Variants in FAM13A observed in about 807,000 individuals in gnomAD.
FAM13A encodes protein FAM13A.
In FAM13A, 76 loss-of-function variants were observed where a neutral mutation model predicts 129.6. That is an observed-to-expected ratio of 0.59 (90% CI 0.49 to 0.71). FAM13A has a LOEUF of 0.71. FAM13A is among the 30% of genes least tolerant of loss of function. The pLI, the probability that FAM13A is intolerant of heterozygous loss-of-function variation, is 0.00. For synonymous variants in FAM13A, 443 were observed against 449.9 expected (o/e 0.98, Z 0.20); for missense variants, 1,108 against 1,249.3 (o/e 0.89, Z 1.70).
At chr4:88,845,003 C>T (rs1487096983) in intron 7 of FAM13A, among the ~76,000 whole-genome samples, 1 of 152,060 alleles carries the variant, frequency 6.6e-6, no homozygotes, top group Non-Finnish European at 1.5e-5. Context: ...CAGAAGCCAT[C>T]ACATATAGAG....
intron 6 of FAM13A, among the ~76,000 whole-genome samples, chr4:88,887,697 A>C (rs1401616829): frequency 6.6e-6 from 1 of 151,578 alleles, no homozygotes; most frequent in Non-Finnish European, 1.5e-5. Context: ...TGCCCAGCTA[A>C]TTTTTTTGTA....
rs527357768 is a variant in FAM13A at position 88,866,985 on chromosome 4, C to T, written c.844-15802G>A. On this transcript the variant is annotated intron_variant, in intron 6 of 23. Coordinates refer to ENST00000264344, the MANE Select transcript of FAM13A (RefSeq NM_014883.4). ...AGTCATAGAAGATAATATCATAAAGCAGTTAGGTAAATATACAGTAGATTC... is the reference window on the plus strand; with the variant it reads ...AGTCATAGAAGATAATATCATAAAGTAGTTAGGTAAATATACAGTAGATTC... Among the ~76,000 whole-genome samples, 5 of 152,156 alleles carry T rather than the reference C, an allele frequency of 3.3e-5. No individual in the cohort carries two copies. The South Asian group carries it at 1.0e-3, about 32-fold the overall frequency.
chr4:88,767,128 C>T (rs78501625), intron 13 of FAM13A, among the ~76,000 whole-genome samples: 1 of 152,116 alleles, frequency 6.6e-6, no homozygotes, highest in Non-Finnish European at 1.5e-5. Context: ...CAAAACTCAG[C>T]AAACAAATTG....
intron 17 of FAM13A, among the ~76,000 whole-genome samples, 199 bp from the exon 18 acceptor site, chr4:88,748,050 C>A (rs547077239): frequency 2.0e-5 from 3 of 152,052 alleles, no homozygotes; most frequent in Non-Finnish European, 2.9e-5. Context: ...CCACCACGCC[C>A]GGCTAATTTT....
At chr4:88,867,622 T>C (rs1022185528) in intron 6 of FAM13A, among the ~76,000 whole-genome samples, 3 of 151,914 alleles carry the variant, frequency 2.0e-5, no homozygotes, top group African/African-American at 4.9e-5. Flanking sequence ...TTCACAAATA[T>C]AGAAGACACA....
chr4:89,021,458 A>G (rs1352108750), intron 2 of FAM13A, among the ~76,000 whole-genome samples: 2 of 152,212 alleles, frequency 1.3e-5, no homozygotes, highest in African/African-American at 4.8e-5. Flanking sequence ...ACCTTGATCT[A>G]CCCCTGACAA....
chr4:88,799,339 C>G (rs1401159472), intron 8 of FAM13A, among the ~76,000 whole-genome samples: 1 of 152,124 alleles, frequency 6.6e-6, no homozygotes, highest in Non-Finnish European at 1.5e-5. Context: ...AACAAAATAC[C>G]AAGTGTTGAC....
At position 88,787,795 on chromosome 4, in the gene FAM13A, C is replaced by T. The variant is rs544975687; in HGVS notation, c.1229G>A (p.Arg410His). The T allele has an allele frequency of 1.2e-5, 19 of 1,613,424 alleles. 1 individual carries two copies. Among genetic ancestry groups the T allele is most frequent in the Admixed American group, 5.0e-5 (3 of 59,964 alleles). ...AACTTCATCCTGCTCCTTGGACTGG[C>T]GGCGGCGCTGTCTGGCAGATGTGGC... ...SSATSARQRR[R>H]QSKEQDEVRH... The change falls in exon 10 of 24, where the codon CGC becomes CAC. Residue 410 changes from arginine to histidine, a missense_variant. Arg to His is a conservative substitution (Grantham distance 29). Around this residue, in one of 3 missense-constraint regions of FAM13A, gnomAD observed 566 missense variants for 595.7 expected, o/e 0.95. Transcript: ENST00000264344.
intron 5 of FAM13A, among the ~76,000 whole-genome samples, chr4:88,907,950 T>C (rs1355086193): frequency 6.6e-6 from 1 of 152,214 alleles, no homozygotes; most frequent in Non-Finnish European, 1.5e-5. Flanking sequence ...CTGAGACTCA[T>C]GTCTGGACCA....
At chr4:88,748,868 G>A in intron 17 of FAM13A, 84 bp downstream of exon 17, 1 of 940,356 alleles carries the variant, frequency 1.1e-6, no homozygotes, top group South Asian at 1.3e-5. Context: ...GAATGCCTTA[G>A]CAGTGGCACT....
At chr4:88,927,196 T>C (rs746662678) in intron 5 of FAM13A, among the ~76,000 whole-genome samples, 3 of 151,434 alleles carry the variant, frequency 2.0e-5, no homozygotes, top group Non-Finnish European at 4.4e-5. Context: ...TATATTCCTA[T>C]GTATATTTTT....
At chr4:88,965,827 G>A (rs1759280153) in intron 4 of FAM13A, among the ~76,000 whole-genome samples, 1 of 152,108 alleles carries the variant, frequency 6.6e-6, no homozygotes, top group African/African-American at 2.4e-5. Flanking sequence ...GTCTTTTTGT[G>A]ACTAGCTTAG....
intron 1 of FAM13A, chr4:89,029,854 C>T (rs928426555): frequency 3.0e-5 from 18 of 595,356 alleles, no homozygotes; most frequent in Non-Finnish European, 5.2e-5. Context: ...AATGAAAAAC[C>T]TAAAGCCACA....
intron 5 of FAM13A, among the ~76,000 whole-genome samples, chr4:88,922,508 A>G (rs11097202): frequency 0.56 from 84,621 of 150,812 alleles, 23,758 homozygotes; most frequent in Admixed American, 0.59. Flanking sequence ...ACCAACGAGA[A>G]CAAAGACACA....
intron 4 of FAM13A, among the ~76,000 whole-genome samples, chr4:88,944,575 T>C (rs1755341497): frequency 1.3e-5 from 2 of 152,084 alleles, no homozygotes; most frequent in South Asian, 4.1e-4. Context: ...GATGTCTGCA[T>C]TGGTTTGACT....
chr4:88,964,739 T>G (rs949634635), intron 4 of FAM13A, among the ~76,000 whole-genome samples: 1 of 151,708 alleles, frequency 6.6e-6, no homozygotes, highest in African/African-American at 2.4e-5. Context: ...GTGATTCTCC[T>G]GTCTCAGCCT....
intron 14 of FAM13A, among the ~76,000 whole-genome samples, chr4:88,756,382 T>C (rs1427276467): frequency 6.6e-6 from 1 of 152,192 alleles, no homozygotes; most frequent in Non-Finnish European, 1.5e-5. Context: ...ATGAACATCA[T>C]TTTTGTGTGG....
At position 88,947,075 on chromosome 4, in the gene FAM13A, G is replaced by C. The variant is rs79679807; in HGVS notation, c.606-8834C>G. On this transcript the variant is annotated intron_variant, in intron 4 of 23. Transcript: ENST00000264344. ...ATAGGAGGCCATTGTTTTGGACTAA[G>C]CACCTGCACGAGGCCCAAGATGACC... Among the ~76,000 whole-genome samples, 209 of 152,244 alleles carry C rather than the reference G, an allele frequency of 1.4e-3. 5 individuals carry two copies. In the East Asian group the frequency reaches 0.031, roughly 22 times the overall value.
At chr4:88,879,811 T>A (rs778288443) in intron 6 of FAM13A, among the ~76,000 whole-genome samples, 13 of 151,882 alleles carry the variant, frequency 8.6e-5, no homozygotes, top group Non-Finnish European at 1.8e-4. Flanking sequence ...AAGAGCAGAG[T>A]CTCCCTGTTA....
Sources: gnomAD v4.1 joint callset for allele counts (sites outside exome capture counted in the v4.1 genomes callset) on GRCh38, gnomAD v4.1.1 for gene constraint, gnomAD v4.1.1 regional missense constraint, MANE v1.5 for transcripts, NCBI Gene and HGNC (gene_info 2026-07-23, HGNC 2026-07-21) for gene names.